ALG9: variants seen among roughly 807,000 people sequenced by gnomAD.
ALG9 encodes ALG9 alpha-1,2-mannosyltransferase.
In ALG9, 55 loss-of-function variants were observed where a neutral mutation model predicts 81.8. The observed-to-expected ratio is 0.67, with a 90% CI of 0.54 to 0.84. The LOEUF (loss-of-function observed/expected upper bound fraction) is 0.84. ALG9 is among the 40% of genes least tolerant of loss of function. The probability of loss-of-function intolerance (pLI) is 0.00; values close to 1 mark genes in which losing one functional copy is unlikely to be tolerated. For synonymous variants in ALG9, 278 were observed against 274.3 expected, an observed-to-expected ratio of 1.01 and a Z score of -0.13; for missense variants, 629 against 745.0, an observed-to-expected ratio of 0.84 and a Z score of 1.81.
At chr11:111,816,228 T>A (rs1377090701) in intron 13 of ALG9, among the ~76,000 whole-genome samples, 2 of 152,160 alleles carry the variant, frequency 1.3e-5, no homozygotes, top group Non-Finnish European at 2.9e-5. Flanking sequence ...AAAAAAGGAA[T>A]CTTCTAGGCA....
intron 14 of ALG9, among the ~76,000 whole-genome samples, chr11:111,809,390 C>A (rs1591951163): frequency 6.6e-6 from 1 of 152,110 alleles, no homozygotes. Context: ...ATTAGCCGGG[C>A]ATGGTGGTGT....
intron 8 of ALG9, 61 bp downstream of exon 8, chr11:111,853,319 G>T: frequency 1.8e-6 from 2 of 1,121,268 alleles, no homozygotes; most frequent in Non-Finnish European, 2.7e-6. Flanking sequence ...GAATTAAAAT[G>T]CTGAAGTTCA....
chr11:111,788,821 A>G (rs782391384), intron 14 of ALG9, among the ~76,000 whole-genome samples: 1 of 152,190 alleles, frequency 6.6e-6, no homozygotes, highest in Non-Finnish European at 1.5e-5. Context: ...GTAGAACAGA[A>G]AGATGCAAAA....
At chr11:111,817,783 T>C (rs1951731628) in intron 13 of ALG9, among the ~76,000 whole-genome samples, 1 of 151,212 alleles carries the variant, frequency 6.6e-6, no homozygotes, top group Admixed American at 6.6e-5. Flanking sequence ...ATTTCTTTTT[T>C]TTTTTTTTTT....
chr11:111,831,332 T>C lies in ALG9; in HGVS notation c.1602+4833A>G, dbSNP rs1055709457. Among the ~76,000 whole-genome samples, 5 of 152,086 alleles carry C rather than the reference T, an allele frequency of 3.3e-5. No homozygotes were observed. In the East Asian group the frequency reaches 9.7e-4, roughly 29 times the overall value. Reference sequence around the variant, plus strand: ...CTGAGATTGCAGGTGTGAGCCACCATGCCAGCCTAATTCTCCATAGAGACA... The same window carrying C: ...CTGAGATTGCAGGTGTGAGCCACCACGCCAGCCTAATTCTCCATAGAGACA... On this transcript the variant is annotated intron_variant, in intron 13 of 14. Transcript: ENST00000616540.
intron 13 of ALG9, among the ~76,000 whole-genome samples, chr11:111,823,622 T>C (rs952348538): frequency 6.6e-6 from 1 of 152,244 alleles, no homozygotes; most frequent in African/African-American, 2.4e-5. Flanking sequence ...TGGGCTTACA[T>C]GCCTGAAAAA....
chr11:111,855,685 C>G lies in ALG9; in HGVS notation c.701+1917G>C, dbSNP rs569249520. On this transcript the variant is annotated intron_variant, in intron 6 of 14. Transcript: ENST00000616540. ...ATGAATTCAGCAGCTATCTACTAAGCAGCTGGGAATATATGAATGAAGCTC... is the reference window on the plus strand; with the variant it reads ...ATGAATTCAGCAGCTATCTACTAAGGAGCTGGGAATATATGAATGAAGCTC... Among the ~76,000 whole-genome samples the G allele has an allele frequency of 1.6e-4, 25 of 152,216 alleles. No individual in the cohort carries two copies. In the South Asian group the frequency reaches 4.8e-3, roughly 29 times the overall value.
At chr11:111,865,328 T>A in intron 3 of ALG9, 77 bp from the exon 4 acceptor site, 1 of 1,091,980 alleles carries the variant, frequency 9.2e-7, no homozygotes, top group Non-Finnish European at 1.3e-6. Flanking sequence ...ACCACTCTCA[T>A]TTATTGTCAA....
At chr11:111,840,178 C>G (rs188044107) in intron 10 of ALG9, among the ~76,000 whole-genome samples, 1 of 152,192 alleles carries the variant, frequency 6.6e-6, no homozygotes, top group East Asian at 1.9e-4. Context: ...GAGGGCAATA[C>G]AGGGTTCTGA....
At chr11:111,805,412 C>A in intron 14 of ALG9, 1 of 442,226 alleles carries the variant, frequency 2.3e-6, no homozygotes, top group Non-Finnish European at 4.5e-6. Context: ...TGGAAGCAAC[C>A]AAAGATGTCC....
intron 14 of ALG9, among the ~76,000 whole-genome samples, chr11:111,804,878 C>T (rs1555083694): frequency 6.6e-6 from 1 of 152,228 alleles, no homozygotes; most frequent in Admixed American, 6.5e-5. Context: ...AATGATACAG[C>T]CACTTTGGAA....
chr11:111,808,943 G>C (rs782116089), intron 14 of ALG9, among the ~76,000 whole-genome samples: 7 of 152,174 alleles, frequency 4.6e-5, no homozygotes, highest in Non-Finnish European at 1.0e-4. Flanking sequence ...ATTTAAGACT[G>C]AATAAGGCCT....
At chr11:111,863,966 G>A (rs1360708752) in intron 4 of ALG9, among the ~76,000 whole-genome samples, 1 of 152,116 alleles carries the variant, frequency 6.6e-6, no homozygotes, top group African/African-American at 2.4e-5. Context: ...GAAAGAAAAC[G>A]ATAATTAGAA....
intron 8 of ALG9, among the ~76,000 whole-genome samples, chr11:111,852,664 G>A (rs886608645): frequency 9.2e-5 from 14 of 152,068 alleles, no homozygotes; most frequent in Admixed American, 3.3e-4. Flanking sequence ...GGCCGGGCAC[G>A]GTGGCTCATG....
chr11:111,797,016 T>C (rs898551156), intron 14 of ALG9, among the ~76,000 whole-genome samples: 1 of 152,220 alleles, frequency 6.6e-6, no homozygotes, highest in African/African-American at 2.4e-5. Flanking sequence ...CTGCATGTAC[T>C]ATATGCCTCT....
chr11:111,813,730 C>G (rs1247926701), intron 13 of ALG9, among the ~76,000 whole-genome samples: 2 of 151,962 alleles, frequency 1.3e-5, no homozygotes, highest in African/African-American at 4.8e-5. Context: ...ACTGAAATGG[C>G]CACAACAAGT....
At chr11:111,856,747 C>A (rs1280579654) in intron 6 of ALG9, among the ~76,000 whole-genome samples, 2 of 150,778 alleles carry the variant, frequency 1.3e-5, no homozygotes, top group African/African-American at 2.4e-5. Flanking sequence ...CACACTAGAA[C>A]AGAAGTAGTG....
rs1555074027 is a variant in ALG9, at chr11:111,795,018, T to C, written c.1734-8498A>G. On this transcript the variant is annotated intron_variant, in intron 14 of 14. Transcript: ENST00000616540. The stretch of plus-strand genomic sequence containing the variant: ...TTAACAGGAAATGCGGTGAGAGACA[T>C]TATTCTAATGGTAACTAATGCAAAG... Among the ~76,000 whole-genome samples, 2 of 152,214 alleles carry C rather than the reference T, an allele frequency of 1.3e-5. 1 individual carries two copies. Among genetic ancestry groups the C allele is most frequent in the East Asian group, 3.8e-4 (2 of 5,198 alleles).
In ALG9 at chr11:111,844,352, A is replaced by T. The variant is rs782817856; in HGVS notation, c.1018+249T>A. On this transcript the variant is annotated intron_variant, in intron 9 of 14. Transcript: ENST00000616540. ...TTTTACTTCCCTGGGTGATTGTGTA[A>T]ATTATATTGACTTCCTCACTTAAAG... 3.3e-5 allele frequency among the ~76,000 whole-genome samples: 5 copies of T among 152,144 alleles called. No individual in the cohort carries two copies. In the South Asian group the frequency reaches 8.3e-4, roughly 25 times the overall value.
Sources: gnomAD v4.1 joint callset for allele counts (sites outside exome capture counted in the v4.1 genomes callset) on GRCh38, gnomAD v4.1.1 for gene constraint, MANE v1.5 for transcripts, NCBI Gene and HGNC (gene_info 2026-07-23, HGNC 2026-07-21) for gene names.